FANCM: variants seen among roughly 807,000 people sequenced by gnomAD.
The protein encoded by FANCM is Fanconi anemia group M protein.
FANCM carries 140 observed loss-of-function variants against 199.5 expected under a neutral mutation model. That is an observed-to-expected ratio of 0.70 (90% CI 0.61 to 0.81). The LOEUF (loss-of-function observed/expected upper bound fraction) is 0.81. Among genes scored for constraint, FANCM ranks in the 30% least tolerant of loss-of-function variants. FANCM has a pLI of 0.00. For synonymous variants in FANCM, 840 were observed against 836.8 expected, an observed-to-expected ratio of 1.00 and a Z score of -0.07; for missense variants, 2,410 against 2,421.4, an observed-to-expected ratio of 1.00 and a Z score of 0.10.
chr14:45,183,881 A>G lies in FANCM; in HGVS notation c.4494A>G (p.Pro1498=). The change falls in exon 17 of 23, where the codon CCA becomes CCG. Residue 1498 remains proline (P), a synonymous_variant. Coordinates refer to ENST00000267430, the MANE Select transcript of FANCM (RefSeq NM_020937.4). ...NGNARRGIKV[P]KRQSHLKHVA... ...ATGCCAGAAGAGGCATCAAAGTCCC[A>G]AAGAGACAGAGTCACTTAAAGGTAA... The G allele has an allele frequency of 1.2e-6, 2 of 1,611,222 alleles. No homozygotes were observed. The highest frequency in any genetic ancestry group is 1.7e-6 in the Non-Finnish European group (2 of 1,177,672).
intron 20 of FANCM, among the ~76,000 whole-genome samples, chr14:45,193,084 C>T (rs1379631999): frequency 6.6e-6 from 1 of 152,196 alleles, no homozygotes; most frequent in Non-Finnish European, 1.5e-5. Flanking sequence ...TCACCTTGTT[C>T]CTTCCCTGTT....
intron 22 of FANCM, 101 bp downstream of exon 22, chr14:45,199,036 GTTAGA>G: frequency 2.3e-6 from 2 of 862,996 alleles, no homozygotes; most frequent in South Asian, 1.7e-5. Flanking sequence ...CATCATGCCT[GTTAGA>G]TTATTTTATT....
chr14:45,167,983 A>G (rs1027805827), intron 11 of FANCM, among the ~76,000 whole-genome samples: 1 of 152,086 alleles, frequency 6.6e-6, no homozygotes, highest in Non-Finnish European at 1.5e-5. Flanking sequence ...GAAGACTCTT[A>G]CGCTGAAAAA....
intron 3 of FANCM, among the ~76,000 whole-genome samples, chr14:45,148,358 T>C (rs1886578364): frequency 6.6e-6 from 1 of 152,150 alleles, no homozygotes; most frequent in Non-Finnish European, 1.5e-5. Context: ...ATGTTTTTTC[T>C]CCAGTTTCCT....
chr14:45,155,935 G>T (rs1353609543), intron 8 of FANCM, among the ~76,000 whole-genome samples: 1 of 152,192 alleles, frequency 6.6e-6, no homozygotes, highest in Admixed American at 6.5e-5. Flanking sequence ...TTTTGGAAGG[G>T]CTAGGGCAAG....
In FANCM at chr14:45,173,894, A is replaced by G. The variant is rs113117068; in HGVS notation, c.2316+684A>G. On this transcript the variant is annotated intron_variant, in intron 13 of 22. Coordinates refer to ENST00000267430, the MANE Select transcript of FANCM (RefSeq NM_020937.4). ...GATCATGCATACATGTAAATAAAGT[A>G]GTTAGATGTGGATCCCAGCAAAATG... Among the ~76,000 whole-genome samples the G allele has an allele frequency of 9.2e-5, 14 of 152,304 alleles. 1 individual carries two copies. The highest frequency in any genetic ancestry group is 3.3e-4 in the Admixed American group (5 of 15,294).
At chr14:45,158,426 C>G (rs1005954943) in intron 8 of FANCM, among the ~76,000 whole-genome samples, 6 of 145,562 alleles carry the variant, frequency 4.1e-5, no homozygotes, top group South Asian at 2.4e-4. Context: ...CCCGCCACCC[C>G]CCTACCTCAC....
chr14:45,199,280 A>G (rs1363580125), intron 22 of FANCM, among the ~76,000 whole-genome samples: 1 of 152,222 alleles, frequency 6.6e-6, no homozygotes, highest in Non-Finnish European at 1.5e-5. Flanking sequence ...TGTGATCATT[A>G]TATTGCTTGA....
rs1012923771 is a variant in FANCM at position 45,151,339 on chromosome 14, T to C, written c.919-58T>C. The C allele has an allele frequency of 5.3e-5, 74 of 1,408,462 alleles. No individual in the cohort carries two copies. In the African/African-American group the frequency reaches 9.2e-4, roughly 17 times the overall value. The allele number at this position is 1,408,462 out of a possible 1,614,324, so 87.2% of individuals were successfully genotyped here. On this transcript the variant is annotated intron_variant, in intron 4 of 22. Coordinates refer to ENST00000267430, the MANE Select transcript of FANCM (RefSeq NM_020937.4). ...CCTATTTTAATATGTGAGAAAATGATTGTACTTGAAAAAGGACTTTAGAGC... is the reference window on the plus strand; with the variant it reads ...CCTATTTTAATATGTGAGAAAATGACTGTACTTGAAAAAGGACTTTAGAGC...
chr14:45,148,235 A>ACACACACACAC (rs1886566599), intron 3 of FANCM, among the ~76,000 whole-genome samples: 1 of 150,674 alleles, frequency 6.6e-6, no homozygotes, highest in Non-Finnish European at 1.5e-5. Flanking sequence ...ACACACACAC[A>ACACACACACAC]AAACAACTTT....
In FANCM at chr14:45,154,739, T is replaced by C. The variant is rs1486760247; in HGVS notation, c.1226T>C (p.Phe409Ser). ...SKNELGRNEDFMKLYNHLECM... is the reference protein window; with the variant it reads ...SKNELGRNEDSMKLYNHLECM... ...AATGAACTTGGCCGAAATGAAGACTTCATGAAACTCTATAATCATCTAGAG... is the reference window on the plus strand; with the variant it reads ...AATGAACTTGGCCGAAATGAAGACTCCATGAAACTCTATAATCATCTAGAG... The change falls in exon 7 of 23, where the codon TTC becomes TCC. Residue 409 changes from phenylalanine to serine, a missense_variant. Coordinates refer to ENST00000267430, the MANE Select transcript of FANCM (RefSeq NM_020937.4). 1.2e-6 allele frequency: 2 copies of C among 1,603,444 alleles called. No individual in the cohort carries two copies. Among genetic ancestry groups the C allele is most frequent in the African/African-American group, 2.7e-5 (2 of 74,786 alleles).
intron 11 of FANCM, among the ~76,000 whole-genome samples, chr14:45,169,379 A>AT (rs768189905): frequency 1.4e-5 from 2 of 140,034 alleles, no homozygotes; most frequent in Non-Finnish European, 3.1e-5. Context: ...TTATTTATTT[A>AT]TTTGTTTTTT....
At chr14:45,169,539 A>G (rs1337763720) in intron 11 of FANCM, among the ~76,000 whole-genome samples, 1 of 152,042 alleles carries the variant, frequency 6.6e-6, no homozygotes, top group Non-Finnish European at 1.5e-5. Context: ...GGCTAGGACT[A>G]CAGGGATGCA....
intron 6 of FANCM, 119 bp from the exon 7 acceptor site, chr14:45,154,578 T>G: frequency 1.4e-6 from 1 of 710,108 alleles, no homozygotes; most frequent in South Asian, 2.3e-5. Flanking sequence ...GTTTCTGGTT[T>G]TCATGTTTAC....
At chr14:45,161,463 A>T (rs1462487801) in intron 9 of FANCM, among the ~76,000 whole-genome samples, 1 of 152,018 alleles carries the variant, frequency 6.6e-6, no homozygotes, top group East Asian at 1.9e-4. Context: ...GGGGCAGAGG[A>T]TGGTCTTAGC....
At chr14:45,194,206 G>T (rs1486224017) in intron 20 of FANCM, among the ~76,000 whole-genome samples, 1 of 151,764 alleles carries the variant, frequency 6.6e-6, no homozygotes, top group Non-Finnish European at 1.5e-5. Context: ...GGAGGCTGAG[G>T]CAGGAGAATG....
At position 45,175,131 on chromosome 14, in the gene FANCM, A is replaced by G. The variant is rs201232194; in HGVS notation, c.2377A>G (p.Thr793Ala). Reference protein sequence around the residue: ...SYLQMEDVTSTFIAPRNESNN... With the variant: ...SYLQMEDVTSAFIAPRNESNN... ...TTTACAAATGGAAGATGTTACCTCA[A>G]CATTTATTGCTCCCAGGAATGAATC... The change falls in exon 14 of 23, where the codon ACA becomes GCA. Residue 793 changes from threonine to alanine, a missense_variant. Transcript: ENST00000267430. 4 of 1,612,332 alleles carry G rather than the reference A, an allele frequency of 2.5e-6. No homozygotes were observed. The highest frequency in any genetic ancestry group is 2.7e-5 in the African/African-American group (2 of 74,996).
chr14:45,140,000 T>A (rs746517186), intron 2 of FANCM, among the ~76,000 whole-genome samples: 27 of 152,010 alleles, frequency 1.8e-4, no homozygotes, highest in South Asian at 8.3e-4. Context: ...AAAAAAAAAA[T>A]TTTTTGTGAG....
At chr14:45,178,416 A>ATAG (rs1263368233) in intron 14 of FANCM, among the ~76,000 whole-genome samples, 1 of 152,224 alleles carries the variant, frequency 6.6e-6, no homozygotes, top group Non-Finnish European at 1.5e-5. Flanking sequence ...GATTGTACTT[A>ATAG]ACTACAAATC....
Sources: allele counts gnomAD v4.1 joint callset (sites outside exome capture counted in the v4.1 genomes callset), GRCh38; gene constraint gnomAD v4.1.1; transcripts MANE v1.5; gene names NCBI Gene and HGNC (gene_info 2026-07-23, HGNC 2026-07-21).